Variants in ORMDL2 observed in about 807,000 individuals in gnomAD.
The protein encoded by ORMDL2 is ORM1-like protein 2.
A neutral mutation model predicts 13.5 loss-of-function variants in ORMDL2; 11 were observed. That is an observed-to-expected ratio of 0.82 (90% CI 0.51 to 1.35). The LOEUF is 1.35. ORMDL2 is among the 40% of genes most tolerant of loss of function. The pLI, the probability that ORMDL2 is intolerant of heterozygous loss-of-function variation, is 0.00. For synonymous variants in ORMDL2, 73 were observed against 76.5 expected (o/e 0.95, Z 0.24); for missense variants, 160 against 191.1 (o/e 0.84, Z 0.96).
At position 55,819,643 on chromosome 12, in the gene ORMDL2, G is replaced by A. The variant is rs972617687; in HGVS notation, c.326+150G>A. On this transcript the variant is annotated intron_variant, in intron 3 of 3. Transcript: ENST00000243045. ...TATACTAGTTCTAAGCCTACAGAGAGCAGTAAAATGTAGATTACAGTCAAT... is the reference window on the plus strand; with the variant it reads ...TATACTAGTTCTAAGCCTACAGAGAACAGTAAAATGTAGATTACAGTCAAT... 6.0e-6 allele frequency: 4 copies of A among 665,022 alleles called. No individual in the cohort carries two copies. The African/African-American group carries it at 7.2e-5, about 12-fold the overall frequency. The allele number at this position is 665,022 out of a possible 1,614,324, so 41.2% of individuals were successfully genotyped here. A position where few individuals can be genotyped will look rare whatever the true frequency, so the allele number is the denominator to read the frequency against.
In ORMDL2 at chr12:55,820,759, T is replaced by C. The variant is rs1486238182; in HGVS notation, c.*364T>C. 4.2e-6 allele frequency: 1 copy of C among 239,486 alleles called. No homozygotes were observed. Among genetic ancestry groups the C allele is most frequent in the East Asian group, 9.5e-5 (1 of 10,490 alleles). The allele number at this position is 239,486 out of a possible 1,614,324, so 14.8% of individuals were successfully genotyped here. The stretch of plus-strand genomic sequence containing the variant: ...TTCTTACAATAATTTTTTTCAGCTA[T>C]AGCTGCAGTTTAATCAGGATGGGTA... On this transcript the variant is annotated 3_prime_UTR_variant, in exon 4 of 4. Transcript: ENST00000243045.
chr12:55,820,494 T>A lies in ORMDL2; in HGVS notation c.*99T>A, dbSNP rs1187908105. ...TATTCTCCATACTGTCTTCTACACCTTTAAAGCCTGAGAACTATACAACCT... is the reference window on the plus strand; with the variant it reads ...TATTCTCCATACTGTCTTCTACACCATTAAAGCCTGAGAACTATACAACCT... On this transcript the variant is annotated 3_prime_UTR_variant, in exon 4 of 4. Transcript: ENST00000243045. 1.5e-6 allele frequency: 2 copies of A among 1,363,954 alleles called. No individual in the cohort carries two copies. The highest frequency in any genetic ancestry group is 2.9e-5 in the African/African-American group (2 of 70,046). 84.5% of individuals were successfully genotyped at this position (1,363,954 alleles called of 1,614,324 possible).
chr12:55,818,312 G>T (rs147856956), intron 1 of ORMDL2, 200 bp downstream of exon 1: 64 of 333,566 alleles, frequency 1.9e-4, no homozygotes, highest in African/African-American at 1.2e-3. Flanking sequence ...GGCAAGAGCC[G>T]CTTCCTAACC....
In ORMDL2 at chr12:55,821,314, ATAT is replaced by A. The variant is rs1261826084; in HGVS notation, c.*923_*925del. ...TACATGCTTTCTTGTTCTCTTTTAA[ATAT>A]TATATCAGGATAAAGGAGAGGGCTC... On this transcript the variant is annotated 3_prime_UTR_variant, in exon 4 of 4. Coordinates refer to ENST00000243045, the MANE Select transcript of ORMDL2 (RefSeq NM_014182.5). The A allele has an allele frequency of 2.6e-5, 4 of 152,738 alleles. No homozygotes were observed. The East Asian group carries it at 5.8e-4, about 22-fold the overall frequency. 9.5% of individuals were successfully genotyped at this position (152,738 alleles called of 1,614,324 possible).
In ORMDL2 at chr12:55,818,979, T is replaced by A. The variant is rs767985811; in HGVS notation, c.-1-20T>A. On this transcript the variant is annotated intron_variant, in intron 1 of 3. Coordinates refer to ENST00000243045, the MANE Select transcript of ORMDL2 (RefSeq NM_014182.5). ...GAAAAAACTGAGCTGGACTCCTGCC[T>A]GATCCCCCATTACGGCTAGGATGAA... 1 of 1,605,820 alleles carries A rather than the reference T, an allele frequency of 6.2e-7. No individual in the cohort carries two copies. The highest frequency in any genetic ancestry group is 1.1e-5 in the South Asian group (1 of 90,870).
rs1880632550 is a variant in ORMDL2, at chr12:55,820,316, C to G, written c.383C>G (p.Thr128Arg). ...GATGCTGCGCACTTCCTCATCAACA[C>G]AGCCTCATTGCTAAGTGTACTGCTG... ...KYDAAHFLIN[T>R]ASLLSVLLPK... Residue 128 changes from threonine to arginine, a missense_variant, in exon 4 of 4, where the codon ACA becomes AGA. By Grantham distance (71) the Thr-to-Arg change is moderately conservative (BLOSUM62 -1). Coordinates refer to ENST00000243045, the MANE Select transcript of ORMDL2 (RefSeq NM_014182.5). The G allele has an allele frequency of 6.2e-7, 1 of 1,613,964 alleles. No homozygotes were observed. Among genetic ancestry groups the G allele is most frequent in the African/African-American group, 1.3e-5 (1 of 74,926 alleles).
rs765822021 is a variant in ORMDL2 at position 55,820,467 on chromosome 12, C to T, written c.*72C>T. 6.7e-7 allele frequency: 1 copy of T among 1,503,404 alleles called. No individual in the cohort carries two copies. The highest frequency in any genetic ancestry group is 2.3e-5 in the East Asian group (1 of 44,332). 93.1% of individuals were successfully genotyped at this position (1,503,404 alleles called of 1,614,324 possible). On this transcript the variant is annotated 3_prime_UTR_variant, in exon 4 of 4. Coordinates refer to ENST00000243045, the MANE Select transcript of ORMDL2 (RefSeq NM_014182.5). ...ACAGAGGACTATAAAACATCCTTCT[C>T]TTATTCTCCATACTGTCTTCTACAC...
rs1251804467 is a variant in ORMDL2 at position 55,818,083 on chromosome 12, C to T, written c.-31C>T. On this transcript the variant is annotated 5_prime_UTR_variant, in exon 1 of 4. Transcript: ENST00000243045. ...TCAGGTGTGGTAGCCGGCGCCGCGC[C>T]CATAGCCGGACGGGGATCTGAGCTG... 5.9e-6 allele frequency: 3 copies of T among 512,386 alleles called. No homozygotes were observed. Among genetic ancestry groups the T allele is most frequent in the South Asian group, 4.6e-5 (3 of 65,060 alleles). 31.7% of individuals were successfully genotyped at this position (512,386 alleles called of 1,614,324 possible).
Position 55,820,913 on chromosome 12 carries a change from TTA to T in ORMDL2, c.*519_*520del, listed in dbSNP as rs1880648295. On this transcript the variant is annotated 3_prime_UTR_variant, in exon 4 of 4. Transcript: ENST00000243045. ...GTGCCCTTCACTCTAAGCTTAACAC[TTA>T]GTAGGGAAGAGATTCTCAAATGAGA... The T allele has an allele frequency of 6.5e-6, 1 of 154,086 alleles. No individual in the cohort carries two copies. The highest frequency in any genetic ancestry group is 1.9e-4 in the East Asian group (1 of 5,224). The allele number at this position is 154,086 out of a possible 1,614,324, so 9.5% of individuals were successfully genotyped here.
intron 1 of ORMDL2, chr12:55,818,335 C>G: frequency 3.3e-6 from 1 of 307,102 alleles, no homozygotes. Flanking sequence ...ACATCATCAG[C>G]TTTAGAGCTA....
At position 55,819,279 on chromosome 12, in the gene ORMDL2, A is replaced by T. The variant is rs981902395; in HGVS notation, c.175-63A>T. The T allele has an allele frequency of 5.0e-6, 8 of 1,592,738 alleles. No individual in the cohort carries two copies. The African/African-American group carries it at 1.1e-4, about 21-fold the overall frequency. ...TTTATGTGTTCCTTTTGGGATCTTA[A>T]CATAATTCTTTGACTGAAAAACTAC... On this transcript the variant is annotated intron_variant, in intron 2 of 3. Coordinates refer to ENST00000243045, the MANE Select transcript of ORMDL2 (RefSeq NM_014182.5).
rs775947087 is a variant in ORMDL2, at chr12:55,818,949, G to A, written c.-1-50G>A. 1.7e-5 allele frequency: 27 copies of A among 1,549,180 alleles called. No individual in the cohort carries two copies. In the South Asian group the frequency reaches 2.1e-4, roughly 12 times the overall value. On this transcript the variant is annotated intron_variant, in intron 1 of 3. Coordinates refer to ENST00000243045, the MANE Select transcript of ORMDL2 (RefSeq NM_014182.5). ...ACAACTGGGAGATAGCTCAAGAGGG[G>A]TTGAGAAAAAACTGAGCTGGACTCC...
At chr12:55,818,637 C>G (rs1346076573) in intron 1 of ORMDL2, 1 of 215,380 alleles carries the variant, frequency 4.6e-6, no homozygotes, top group Non-Finnish European at 9.5e-6. Context: ...TGACTTTCGC[C>G]TGGAATTCTG....
rs1450796433 is a variant in ORMDL2, at chr12:55,821,407, T to C, written c.*1012T>C. ...TTTAAAAGGGTGGGAAAAAGTGTCA[T>C]CTGCCCTAAAAGCAAATGACAAGAC... On this transcript the variant is annotated 3_prime_UTR_variant, in exon 4 of 4. Transcript: ENST00000243045. The C allele has an allele frequency of 6.6e-6, 1 of 152,660 alleles. No individual in the cohort carries two copies. The highest frequency in any genetic ancestry group is 1.5e-5 in the Non-Finnish European group (1 of 68,074). 9.5% of individuals were successfully genotyped at this position (152,660 alleles called of 1,614,324 possible).
chr12:55,820,882 T>A lies in ORMDL2; in HGVS notation c.*487T>A, dbSNP rs1336029500. On this transcript the variant is annotated 3_prime_UTR_variant, in exon 4 of 4. Coordinates refer to ENST00000243045, the MANE Select transcript of ORMDL2 (RefSeq NM_014182.5). ...TCCAATCCCCTCTCCTTTGGTCCAG[T>A]AGGAGGTGCCCTTCACTCTAAGCTT... is the stretch of plus-strand genomic sequence containing the variant. 6.4e-6 allele frequency: 1 copy of A among 156,442 alleles called. No homozygotes were observed. Among genetic ancestry groups the A allele is most frequent in the Non-Finnish European group, 1.4e-5 (1 of 70,274 alleles). 9.7% of individuals were successfully genotyped at this position (156,442 alleles called of 1,614,324 possible). A position where few individuals can be genotyped will look rare whatever the true frequency, so the allele number is the denominator to read the frequency against.
At position 55,819,365 on chromosome 12, in the gene ORMDL2, G is replaced by A. The variant is rs768720477; in HGVS notation, c.198G>A (p.Thr66=). The A allele has an allele frequency of 1.1e-5, 18 of 1,613,884 alleles. No homozygotes were observed. Among genetic ancestry groups the A allele is most frequent in the East Asian group, 6.7e-5 (3 of 44,896 alleles). The part of the protein sequence containing the change: ...HNLATYVFLH[T]VKGTPFETPD... ...AGGCTACGTATGTCTTCCTTCATAC[G>A]GTGAAAGGGACACCCTTTGAGACTC... Residue 66 remains threonine (T), a synonymous_variant, in exon 3 of 4, where the codon ACG becomes ACA. Transcript: ENST00000243045.
chr12:55,820,508 A>C lies in ORMDL2; in HGVS notation c.*113A>C. 7.9e-7 allele frequency: 1 copy of C among 1,265,266 alleles called. No homozygotes were observed. The highest frequency in any genetic ancestry group is 2.3e-5 in the East Asian group (1 of 42,890). 78.4% of individuals were successfully genotyped at this position (1,265,266 alleles called of 1,614,324 possible). A position where few individuals can be genotyped will look rare whatever the true frequency, so the allele number is the denominator to read the frequency against. ...TCTTCTACACCTTTAAAGCCTGAGA[A>C]CTATACAACCTTTCCCAGACTCCCA... is the stretch of plus-strand genomic sequence containing the variant. On this transcript the variant is annotated 3_prime_UTR_variant, in exon 4 of 4. Coordinates refer to ENST00000243045, the MANE Select transcript of ORMDL2 (RefSeq NM_014182.5).
chr12:55,820,229 CCTCA>C (rs1370043534), intron 3 of ORMDL2, 27 bp from the exon 4 acceptor site: 2 of 1,594,438 alleles, frequency 1.3e-6, no homozygotes, highest in Non-Finnish European at 8.6e-7. Context: ...AGAAGGTCAA[CCTCA>C]CTCACCCTAT....
chr12:55,820,358 T>C lies in ORMDL2; in HGVS notation c.425T>C (p.Phe142Ser), dbSNP rs760219483. The C allele has an allele frequency of 6.8e-6, 11 of 1,614,070 alleles. No homozygotes were observed. The Admixed American group carries it at 1.8e-4, about 27-fold the overall frequency. ...LSVLLPKLPQ[F>S]HGVRVFGINK... ...GTACTGCTGCCGAAGTTGCCCCAGT[T>C]CCATGGGGTTCGTGTCTTTGGCATC... Residue 142 changes from phenylalanine (F) to serine (S), a missense_variant, in exon 4 of 4, where the codon TTC (phenylalanine) becomes TCC (serine). Coordinates refer to ENST00000243045, the MANE Select transcript of ORMDL2 (RefSeq NM_014182.5).
Sources: allele counts gnomAD v4.1 joint callset, GRCh38; gene constraint gnomAD v4.1.1; transcripts MANE v1.5; gene names NCBI Gene and HGNC (gene_info 2026-07-23, HGNC 2026-07-21).